Variants in TNXB observed in about 807,000 individuals in gnomAD.
TNXB encodes tenascin XB, also known as tenascin-X.
In TNXB, 183 loss-of-function variants were observed where a neutral mutation model predicts 340.5. That is an observed-to-expected ratio of 0.54 (90% CI 0.48 to 0.61). The LOEUF (loss-of-function observed/expected upper bound fraction) is 0.61. Ranked by LOEUF, TNXB falls within the 20% of genes least tolerant of loss-of-function variation. The pLI, the probability that TNXB is intolerant of heterozygous loss-of-function variation, is 0.00. For missense variants in TNXB, 4,613 were observed against 5,446.4 expected (o/e 0.85, Z 4.82); for synonymous variants, 2,121 against 2,314.5 (o/e 0.92, Z 2.40).
At chr6:32,095,486 G>A in intron 3 of TNXB, 125 bp downstream of exon 3, 1 of 1,254,704 alleles carries the variant, frequency 8.0e-7, no homozygotes, top group Admixed American at 2.3e-5. Flanking sequence ...TGCTGCCCCT[G>A]GTGGGCACTG....
chr6:32,076,989 T>A (rs1303514518), intron 11 of TNXB, among the ~76,000 whole-genome samples: 1 of 151,708 alleles, frequency 6.6e-6, no homozygotes, highest in Admixed American at 6.6e-5. Context: ...CTCAAAAAAA[T>A]AATAATAAAA....
rs587777683 is a variant in TNXB, at chr6:32,048,638, G to A, written c.9770C>T (p.Thr3257Ile). 7 of 1,486,888 alleles carry A rather than the reference G, an allele frequency of 4.7e-6. No individual in the cohort carries two copies. Among genetic ancestry groups the A allele is most frequent in the Non-Finnish European group, 6.3e-6 (7 of 1,112,748 alleles). The allele number at this position is 1,486,888 out of a possible 1,614,324, so 92.1% of individuals were successfully genotyped here. A position where few individuals can be genotyped will look rare whatever the true frequency, so the allele number is the denominator to read the frequency against. ...CAGGCGGGGCTCCACCGGCAGTGGT[G>A]TGGGCAGGGGCGCTGAAAAGAGCAG... ...STVGITAPLP[T>I]PLPVEPRLGE... The change falls in exon 29 of 44, where the codon ACA (threonine) becomes ATA (isoleucine). Residue 3257 changes from threonine to isoleucine, a missense_variant. Coordinates refer to ENST00000644971, the MANE Select transcript of TNXB (RefSeq NM_001365276.2).
At chr6:32,066,393 C>CA (rs926866913) in intron 18 of TNXB, among the ~76,000 whole-genome samples, 8 of 151,192 alleles carry the variant, frequency 5.3e-5, no homozygotes, top group Middle Eastern at 3.4e-3. Flanking sequence ...GAATTTGTCT[C>CA]AAAAAAAATC....
At position 32,085,662 on chromosome 6, in the gene TNXB, T is replaced by C. The variant is rs556238472; in HGVS notation, c.3148+88A>G. 13 of 1,413,150 alleles carry C rather than the reference T, an allele frequency of 9.2e-6. No homozygotes were observed. In the East Asian group the frequency reaches 2.9e-4, roughly 32 times the overall value. The allele number at this position is 1,413,150 out of a possible 1,614,324, so 87.5% of individuals were successfully genotyped here. On this transcript the variant is annotated intron_variant, in intron 7 of 43. Coordinates refer to ENST00000644971, the MANE Select transcript of TNXB (RefSeq NM_001365276.2). The surrounding 1 kb of genome is among the most constrained non-coding windows in gnomAD (Gnocchi z 6.4). Reference sequence around the variant, plus strand: ...ATCAGCCCTGCCCTTCACTGGCCCCTCAATATCCATCCTACCTCTGAAGTC... The same window carrying C: ...ATCAGCCCTGCCCTTCACTGGCCCCCCAATATCCATCCTACCTCTGAAGTC...
intron 6 of TNXB, among the ~76,000 whole-genome samples, chr6:32,086,671 G>A (rs1435076319): frequency 6.6e-6 from 1 of 152,218 alleles, no homozygotes; most frequent in Non-Finnish European, 1.5e-5. Context: ...CATCGTTCCT[G>A]TGGGAGAGAC....
Position 32,046,482 on chromosome 6 carries a change from C to G in TNXB, c.10325-26G>C, listed in dbSNP as rs1395128745. ...CTGTGCAGAGGGAGGAGGGAAAGCT[C>G]TTAGTCACATGCTGCCTTTGCCTAA... On this transcript the variant is annotated intron_variant, in intron 30 of 43. Transcript: ENST00000644971. The surrounding 1 kb of genome is among the most constrained non-coding windows in gnomAD (Gnocchi z 6.9). 2.0e-6 allele frequency: 3 copies of G among 1,536,344 alleles called. No homozygotes were observed. Among genetic ancestry groups the G allele is most frequent in the Non-Finnish European group, 1.8e-6 (2 of 1,137,784 alleles).
intron 25 of TNXB, 83 bp from the exon 26 acceptor site, chr6:32,053,076 G>A (rs758032557): frequency 1.5e-4 from 210 of 1,446,368 alleles, no homozygotes; most frequent in Non-Finnish European, 1.9e-4. Flanking sequence ...CGAAGCTGTG[G>A]CCATGAGTGG....
rs757890198 is a variant in TNXB, at chr6:32,074,751, G to A, written c.4376-799C>T. On this transcript the variant is annotated intron_variant, in intron 11 of 43. Coordinates refer to ENST00000644971, the MANE Select transcript of TNXB (RefSeq NM_001365276.2). The surrounding 1 kb of genome is among the most constrained non-coding windows in gnomAD (Gnocchi z 5.5). ...GCTGGTGTGCGATGGCGCCCTCTCG[G>A]CTCACCGCAACCTACGCCTCCTGGG... 7.9e-5 allele frequency among the ~76,000 whole-genome samples: 12 copies of A among 152,118 alleles called. No individual in the cohort carries two copies. Among genetic ancestry groups the A allele is most frequent in the Non-Finnish European group, 1.5e-4 (10 of 68,004 alleles).
intron 19 of TNXB, among the ~76,000 whole-genome samples, chr6:32,063,737 A>T (rs1461109322): frequency 6.6e-6 from 1 of 152,166 alleles, no homozygotes; most frequent in African/African-American, 2.4e-5. Context: ...CTGCCTTGAT[A>T]GTGGTATTAC....
rs754525196 is a variant in TNXB, at chr6:32,043,507, G to A, written c.11580C>T (p.Phe3860=). Residue 3860 remains phenylalanine, a synonymous_variant, in exon 36 of 44, where the codon TTC becomes TTT. Coordinates refer to ENST00000644971, the MANE Select transcript of TNXB (RefSeq NM_001365276.2). ...GGGGGGGCTTCCAGTGCAGCACGGC[G>A]AATCCCTCGGTCAAGTTCAGTGCAC... is the stretch of plus-strand genomic sequence containing the variant. ...QLRALNLTEG[F]AVLHWKPPQN... 11 of 740,354 alleles carry A rather than the reference G, an allele frequency of 1.5e-5. No homozygotes were observed. Among genetic ancestry groups the A allele is most frequent in the Admixed American group, 6.7e-5 (3 of 45,022 alleles). 45.9% of individuals were successfully genotyped at this position (740,354 alleles called of 1,614,324 possible).
Position 32,055,894 on chromosome 6 carries a change from G to C in TNXB, c.8424C>G (p.His2808Gln). 1 of 1,613,100 alleles carries C rather than the reference G, an allele frequency of 6.2e-7. No homozygotes were observed. The highest frequency in any genetic ancestry group is 8.5e-7 in the Non-Finnish European group (1 of 1,179,638). ...ACACCGGGCCCACACGCCGCCCCTC[G>C]TGGAGGCCGTACAGGTGCATCTTGT... is the stretch of plus-strand genomic sequence containing the variant. ...RKYKMHLYGL[H>Q]EGRRVGPVST... The change falls in exon 24 of 44, where the codon CAC (histidine) becomes CAG (glutamine). Residue 2808 changes from histidine to glutamine, a missense_variant. Around this residue, in one of 7 missense-constraint regions of TNXB, gnomAD observed 4,327 missense variants for 4,859.4 expected, o/e 0.89. Transcript: ENST00000644971.
chr6:32,043,902 T>C lies in TNXB; in HGVS notation c.11387-10A>G, dbSNP rs549209308. 2.4e-4 allele frequency: 394 copies of C among 1,613,380 alleles called. No individual in the cohort carries two copies. The highest frequency in any genetic ancestry group is 3.0e-4 in the Non-Finnish European group (359 of 1,179,950). On this transcript the variant is annotated splice_polypyrimidine_tract_variant and intron_variant, in intron 34 of 43. Transcript: ENST00000644971. ...ACACTCTGAGGCTCCCCTGAAAACA[T>C]TGGGGATCGAGGGTTACCCAGGGAA...
At chr6:32,093,313 T>A (rs1182908370) in intron 4 of TNXB, 2 of 684,272 alleles carry the variant, frequency 2.9e-6, no homozygotes, top group Non-Finnish European at 5.4e-6. Context: ...GTCTCGTGAT[T>A]AAAGTATTTT....
intron 22 of TNXB, 120 bp downstream of exon 22, chr6:32,057,938 T>C: frequency 8.3e-7 from 1 of 1,209,234 alleles, no homozygotes; most frequent in Non-Finnish European, 1.1e-6. Context: ...CTTTCCATAA[T>C]GTTGCTATAT....
At chr6:32,059,829 C>A (rs1777904389) in intron 21 of TNXB, among the ~76,000 whole-genome samples, 1 of 151,914 alleles carries the variant, frequency 6.6e-6, no homozygotes, top group Admixed American at 6.5e-5. Context: ...GAGGTGGCGA[C>A]CTGCCCTGCA....
In TNXB at chr6:32,067,139, GAAAGAAAGA is replaced by G. The variant is rs1562823247; in HGVS notation, c.6544+513_6544+521del. 2.1e-3 allele frequency among the ~76,000 whole-genome samples: 240 copies of G among 116,188 alleles called. 7 individuals carry two copies. The East Asian group carries it at 0.054, about 26-fold the overall frequency. The allele number at this position is 116,188 out of a possible 152,430, so 76.2% of individuals were successfully genotyped here. A position where few individuals can be genotyped will look rare whatever the true frequency, so the allele number is the denominator to read the frequency against. ...AGAAAGAAAGAAAGGAAGGAAGAAAGAAAGAAAGAAAGAAAGAAAGAAAGAAAGAAAGAA... is the reference window on the plus strand; with the variant it reads ...AGAAAGAAAGAAAGGAAGGAAGAAAGAAGAAAGAAAGAAAGAAAGAAAGAA... On this transcript the variant is annotated intron_variant, in intron 18 of 43. Transcript: ENST00000644971. The surrounding 1 kb of genome is among the most constrained non-coding windows in gnomAD (Gnocchi z 4.2).
chr6:32,069,052 T>A lies in TNXB; in HGVS notation c.5672A>T (p.Glu1891Val), dbSNP rs777636340. ...GAGATGCAGGGTGTGTGACGTGGCC[T>A]CCTCCACTGTCAACTCCCCGAGGTG... Reference protein sequence around the residue: ...EPHLGELTVEEATSHTLHLSW... With the variant: ...EPHLGELTVEVATSHTLHLSW... The change falls in exon 16 of 44, where the codon GAG becomes GTG. Residue 1891 changes from glutamate (E) to valine (V), a missense_variant. This residue lies in a region of TNXB where 4,327 missense variants were observed against 4,859.4 expected (regional missense o/e 0.89). Coordinates refer to ENST00000644971, the MANE Select transcript of TNXB (RefSeq NM_001365276.2). The surrounding 1 kb of genome is among the most constrained non-coding windows in gnomAD (Gnocchi z 6.2). The A allele has an allele frequency of 1.2e-6, 2 of 1,612,802 alleles. No homozygotes were observed. The highest frequency in any genetic ancestry group is 2.2e-5 in the South Asian group (2 of 91,074).
chr6:32,053,955 C>T (rs925422195), intron 24 of TNXB, among the ~76,000 whole-genome samples: 4 of 151,136 alleles, frequency 2.6e-5, no homozygotes, highest in Admixed American at 2.0e-4. Context: ...CCTCCAGCAC[C>T]GCCTCTCTTT....
chr6:32,052,261 C>T lies in TNXB; in HGVS notation c.9115+409G>A, dbSNP rs1445320731. ...GGTCAGGAGATTGAGACCATCCTGG[C>T]TAACACGGTGAAACCCATCTCTACT... is the stretch of plus-strand genomic sequence containing the variant. On this transcript the variant is annotated intron_variant, in intron 26 of 43. Transcript: ENST00000644971. The surrounding 1 kb of genome is among the most constrained non-coding windows in gnomAD (Gnocchi z 4.7). 6.6e-6 allele frequency among the ~76,000 whole-genome samples: 1 copy of T among 152,088 alleles called. No homozygotes were observed. Among genetic ancestry groups the T allele is most frequent in the Non-Finnish European group, 1.5e-5 (1 of 68,018 alleles).
Sources: allele counts gnomAD v4.1 joint callset (sites outside exome capture counted in the v4.1 genomes callset), GRCh38; gene constraint gnomAD v4.1.1; regional missense constraint gnomAD v4.1.1; non-coding constraint Gnocchi (gnomAD v3.1); transcripts MANE v1.5; gene names NCBI Gene and HGNC (gene_info 2026-07-23, HGNC 2026-07-21).